DLEC1: variants seen among roughly 807,000 people sequenced by gnomAD.
The protein encoded by DLEC1 is DLEC1 cilia and flagella associated protein.
A neutral mutation model predicts 198.1 loss-of-function variants in DLEC1; 146 were observed. The ratio of observed to expected loss-of-function variants is 0.74; its 90% CI spans 0.64 to 0.85. The LOEUF (loss-of-function observed/expected upper bound fraction) is 0.85, where lower values mean the gene tolerates loss of function less well. DLEC1 is among the 40% of genes least tolerant of loss of function. DLEC1 has a pLI of 0.00. For missense variants in DLEC1, 2,233 were observed against 2,220.0 expected (o/e 1.01, Z -0.12); for synonymous variants, 897 against 866.8 (o/e 1.03, Z -0.61).
intron 27 of DLEC1, among the ~76,000 whole-genome samples, chr3:38,115,514 A>G (rs1700106828): frequency 6.6e-6 from 1 of 152,014 alleles, no homozygotes; most frequent in Non-Finnish European, 1.5e-5. Flanking sequence ...TCTAAGAGGA[A>G]GGGTAAGCCG....
intron 6 of DLEC1, among the ~76,000 whole-genome samples, chr3:38,081,592 A>T: frequency 1.0e-5 from 1 of 95,324 alleles, no homozygotes; most frequent in Non-Finnish European, 2.0e-5. Context: ...CACCTCCCGG[A>T]CGGGGCGGCT....
chr3:38,059,188 C>T (rs1696544227), intron 2 of DLEC1, among the ~76,000 whole-genome samples: 1 of 152,160 alleles, frequency 6.6e-6, no homozygotes, highest in Non-Finnish European at 1.5e-5. Flanking sequence ...CTAGGCATGT[C>T]TCCTTCGTAG....
rs547434589 is a variant in DLEC1 at position 38,091,224 on chromosome 3, G to C, written c.1666-1566G>C. ...CAGGTGCGGTGGCTCAGCACTTTGG[G>C]AGGCTGAGGTGGGAGGATTTCTTGA... On this transcript the variant is annotated intron_variant, in intron 10 of 36. Transcript: ENST00000308059. Among the ~76,000 whole-genome samples, 7 of 152,260 alleles carry C rather than the reference G, an allele frequency of 4.6e-5. No homozygotes were observed. In the East Asian group the frequency reaches 1.3e-3, roughly 29 times the overall value.
intron 13 of DLEC1, 129 bp from the exon 14 acceptor site, chr3:38,095,759 C>T (rs1698982098): frequency 8.3e-7 from 1 of 1,202,332 alleles, no homozygotes; most frequent in Admixed American, 1.9e-5. Flanking sequence ...GGAAGCAACC[C>T]TGGGTTTTCA....
At chr3:38,109,301 C>A in intron 21 of DLEC1, 131 bp from the exon 22 acceptor site, 1 of 1,350,912 alleles carries the variant, frequency 7.4e-7, no homozygotes, top group Non-Finnish European at 1.0e-6. Flanking sequence ...GCTGGGCTCA[C>A]TGGAGGGACT....
intron 33 of DLEC1, among the ~76,000 whole-genome samples, chr3:38,119,106 G>C (rs1700328637): frequency 6.6e-6 from 1 of 152,158 alleles, no homozygotes; most frequent in Non-Finnish European, 1.5e-5. Flanking sequence ...TAGCCACCAG[G>C]CATTTAAAAG....
rs576780539 is a variant in DLEC1, at chr3:38,111,589, G to A, written c.3444-88G>A. 3.8e-5 allele frequency: 54 copies of A among 1,430,578 alleles called. No individual in the cohort carries two copies. In the African/African-American group the frequency reaches 7.2e-4, roughly 19 times the overall value. The allele number at this position is 1,430,578 out of a possible 1,614,324, so 88.6% of individuals were successfully genotyped here. ...GCCACCTTCCTCTGCTGGGCACCTG[G>A]TAGAATGCTGGTTGCTCTAGAACCT... On this transcript the variant is annotated intron_variant, in intron 23 of 36. Transcript: ENST00000308059.
rs41285111 is a variant in DLEC1 at position 38,110,110 on chromosome 3, G to A, written c.3272G>A (p.Trp1091Ter). 7.1e-5 allele frequency: 114 copies of A among 1,613,896 alleles called. No individual in the cohort carries two copies. Among genetic ancestry groups the A allele is most frequent in the Non-Finnish European group, 9.3e-5 (110 of 1,180,040 alleles). Reference sequence around the variant, plus strand: ...GACAGTGTTTTCAGCACAGAGCAGTGGCCAGGCCACCCAAAGGAGCTCCGC... The same window carrying A: ...GACAGTGTTTTCAGCACAGAGCAGTAGCCAGGCCACCCAAAGGAGCTCCGC... ...KESSDCSTEQ[W>*]PGHPKELRLD... Residue 1091 changes from tryptophan to a stop codon, truncating the protein, a stop_gained, in exon 23 of 37, where the codon TGG becomes TAG. Transcript: ENST00000308059. LOFTEE classifies it high-confidence loss of function.
In DLEC1 at chr3:38,039,416, G is replaced by A. The variant is rs2125561968; in HGVS notation, c.191G>A (p.Arg64His). The change falls in exon 1 of 37, where the codon CGC becomes CAC. Residue 64 changes from arginine (R) to histidine (H), a missense_variant. Transcript: ENST00000308059. ...AFHYSFAARPRRLTQLALAQR... is the reference protein window; with the variant it reads ...AFHYSFAARPHRLTQLALAQR... ...CACTACAGCTTCGCAGCCCGGCCCC[G>A]CCGCCTCACGCAGCTTGCGCTGGCG... 6.2e-7 allele frequency: 1 copy of A among 1,613,798 alleles called. No individual in the cohort carries two copies. Among genetic ancestry groups the A allele is most frequent in the Non-Finnish European group, 8.5e-7 (1 of 1,179,810 alleles).
intron 6 of DLEC1, among the ~76,000 whole-genome samples, chr3:38,067,250 A>C (rs1697075275): frequency 6.6e-6 from 1 of 152,226 alleles, no homozygotes; most frequent in Admixed American, 6.5e-5. Context: ...AGTCTTTAAA[A>C]ATTTATGTCC....
At position 38,039,526 on chromosome 3, in the gene DLEC1, C is replaced by G; in HGVS notation, c.301C>G (p.Arg101Gly). ...DISHLLTGVF[R>G]NLYSAEVIGD... ...CTCGCACTTGCTCACCGGCGTCTTC[C>G]GCAACTTGTACTCAGCCGAGGTCAT... The change falls in exon 1 of 37, where the codon CGC becomes GGC. Residue 101 changes from arginine (R) to glycine (G), a missense_variant. Arg to Gly is a moderately radical substitution (Grantham distance 125, BLOSUM62 -2). Transcript: ENST00000308059. 1 of 1,614,072 alleles carries G rather than the reference C, an allele frequency of 6.2e-7. No individual in the cohort carries two copies. Among genetic ancestry groups the G allele is most frequent in the African/African-American group, 1.3e-5 (1 of 75,076 alleles).
chr3:38,084,341 G>GA, intron 7 of DLEC1, 96 bp downstream of exon 7: 2 of 920,944 alleles, frequency 2.2e-6, no homozygotes, highest in Non-Finnish European at 3.1e-6. Flanking sequence ...TGGTAGCAAT[G>GA]ATAGTAGTAG....
chr3:38,090,520 G>A (rs1698688616), intron 10 of DLEC1, among the ~76,000 whole-genome samples: 1 of 152,178 alleles, frequency 6.6e-6, no homozygotes, highest in Non-Finnish European at 1.5e-5. Context: ...TAGTTCAGCA[G>A]TCTCCTGCTG....
At chr3:38,065,754 T>C (rs1292941684) in intron 6 of DLEC1, among the ~76,000 whole-genome samples, 3 of 152,226 alleles carry the variant, frequency 2.0e-5, no homozygotes, top group Non-Finnish European at 4.4e-5. Context: ...CTATGTCTGA[T>C]CTTCATTTGT....
chr3:38,056,226 A>C (rs1356132825), intron 2 of DLEC1, among the ~76,000 whole-genome samples: 1 of 152,064 alleles, frequency 6.6e-6, no homozygotes, highest in Non-Finnish European at 1.5e-5. Flanking sequence ...TCGTGCCATC[A>C]CACTCCAGCC....
Position 38,083,367 on chromosome 3 carries a change from A to G in DLEC1, c.1174-791A>G, listed in dbSNP as rs1339039193. On this transcript the variant is annotated intron_variant, in intron 6 of 36. Coordinates refer to ENST00000308059, the MANE Select transcript of DLEC1 (RefSeq NM_007335.4). ...AAAGGGGGTTTGTTCTCTGGCAGGC[A>G]GGAGTGGGGGTTGCAAAGTACTCAG... Among the ~76,000 whole-genome samples the G allele has an allele frequency of 4.6e-5, 7 of 151,492 alleles. 1 individual carries two copies. Among genetic ancestry groups the G allele is most frequent in the Admixed American group, 3.9e-4 (6 of 15,216 alleles).
intron 34 of DLEC1, among the ~76,000 whole-genome samples, chr3:38,120,917 G>A (rs528862840): frequency 1.3e-5 from 2 of 152,370 alleles, no homozygotes; most frequent in East Asian, 3.9e-4. Flanking sequence ...CACGTTGACA[G>A]CCAGGCCAAA....
chr3:38,121,975 A>G, intron 35 of DLEC1, 96 bp from the exon 36 acceptor site: 12 of 1,560,318 alleles, frequency 7.7e-6, no homozygotes, highest in Non-Finnish European at 1.0e-5. Context: ...AGTGCTGAGC[A>G]AGACCAGAGG....
chr3:38,085,612 A>C (rs1226275375), intron 8 of DLEC1, among the ~76,000 whole-genome samples, 165 bp downstream of exon 8: 5 of 151,958 alleles, frequency 3.3e-5, no homozygotes, highest in Admixed American at 3.3e-4. Context: ...GTAGCCATCC[A>C]CAGTGTCAAG....
Sources: allele counts gnomAD v4.1 joint callset (sites outside exome capture counted in the v4.1 genomes callset), GRCh38; gene constraint gnomAD v4.1.1; transcripts MANE v1.5; gene names NCBI Gene and HGNC (gene_info 2026-07-23, HGNC 2026-07-21).